The following CSRP3 variants were observed in gnomAD, a reference collection of about 807,000 sequenced individuals.
CSRP3 encodes cysteine and glycine-rich protein 3.
A neutral mutation model predicts 24.3 loss-of-function variants in CSRP3; 24 were observed. The ratio of observed to expected loss-of-function variants is 0.99; its 90% CI spans 0.71 to 1.39. The LOEUF (loss-of-function observed/expected upper bound fraction) is 1.39. Ranked by LOEUF, CSRP3 falls within the 40% of genes most tolerant of loss-of-function variation. The pLI, the probability that CSRP3 is intolerant of heterozygous loss-of-function variation, is 0.00. For missense variants in CSRP3, 240 were observed against 249.0 expected, an observed-to-expected ratio of 0.96 and a Z score of 0.24; for synonymous variants, 105 against 94.0, an observed-to-expected ratio of 1.12 and a Z score of -0.68.
At chr11:19,190,783 G>C (rs915565002) in intron 2 of CSRP3, among the ~76,000 whole-genome samples, 1 of 152,170 alleles carries the variant, frequency 6.6e-6, no homozygotes, top group Admixed American at 6.5e-5. Flanking sequence ...ATAGAAAAGT[G>C]TGCTCCTCTC....
At chr11:19,196,443 A>C (rs953223392) in intron 1 of CSRP3, among the ~76,000 whole-genome samples, 1 of 152,142 alleles carries the variant, frequency 6.6e-6, no homozygotes, top group Admixed American at 6.5e-5. Flanking sequence ...TTCCCACTTC[A>C]CTTTAGGTTA....
chr11:19,185,896 T>C (rs1263203504), intron 4 of CSRP3, among the ~76,000 whole-genome samples: 1 of 152,170 alleles, frequency 6.6e-6, no homozygotes, highest in African/African-American at 2.4e-5. Context: ...GGTCTGGGGC[T>C]GACATCTTTT....
At chr11:19,192,523 G>T in intron 1 of CSRP3, 47 bp from the exon 2 acceptor site, 2 of 1,194,348 alleles carry the variant, frequency 1.7e-6, no homozygotes, top group East Asian at 4.7e-5. Flanking sequence ...GGCCCCAGGA[G>T]TGAACCAATC....
chr11:19,188,179 G>A lies in CSRP3; in HGVS notation c.238C>T (p.Leu80Phe), dbSNP rs779184695. 1 of 1,614,092 alleles carries A rather than the reference G, an allele frequency of 6.2e-7. No homozygotes were observed. Among genetic ancestry groups the A allele is most frequent in the African/African-American group, 1.3e-5 (1 of 75,054 alleles). The change falls in exon 3 of 6, where the codon CTC becomes TTC. Residue 80 changes from leucine (L) to phenylalanine (F), a missense_variant. By Grantham distance (22) the Leu-to-Phe change is conservative (BLOSUM62 0). Coordinates refer to ENST00000265968, the MANE Select transcript of CSRP3 (RefSeq NM_003476.5). ...GIGYGQGAGCLSTDTGEHLGL... is the reference protein window; with the variant it reads ...GIGYGQGAGCFSTDTGEHLGL... ...AGATGCTCGCCCGTGTCTGTGCTGA[G>A]ACAGCCAGCGCCTTGTCCATACCCG...
chr11:19,186,075 C>A, intron 4 of CSRP3, 141 bp downstream of exon 4: 1 of 1,075,630 alleles, frequency 9.3e-7, no homozygotes. Context: ...GGGAAAGTGG[C>A]TGAGGATGTG....
At chr11:19,184,007 C>A (rs1374965499) in intron 5 of CSRP3, among the ~76,000 whole-genome samples, 1 of 152,204 alleles carries the variant, frequency 6.6e-6, no homozygotes, top group Non-Finnish European at 1.5e-5. Flanking sequence ...TGACTTCTGC[C>A]ATGATTGCGA....
chr11:19,192,071 G>A (rs1850624684), intron 2 of CSRP3, among the ~76,000 whole-genome samples: 1 of 152,170 alleles, frequency 6.6e-6, no homozygotes, highest in Non-Finnish European at 1.5e-5. Context: ...AGCAGTGACA[G>A]GCTAGCTTGT....
At chr11:19,190,786 C>T (rs534938823) in intron 2 of CSRP3, among the ~76,000 whole-genome samples, 1 of 152,284 alleles carries the variant, frequency 6.6e-6, no homozygotes, top group Non-Finnish European at 1.5e-5. Context: ...GAAAAGTGTG[C>T]TCCTCTCTGG....
intron 1 of CSRP3, among the ~76,000 whole-genome samples, chr11:19,200,157 G>A (rs899079862): frequency 3.3e-5 from 5 of 152,088 alleles, no homozygotes; most frequent in African/African-American, 4.8e-5. Flanking sequence ...ATATTTGTAC[G>A]GTTATATTAA....
At chr11:19,197,510 T>TCTTTCTTTC (rs1850750958) in intron 1 of CSRP3, among the ~76,000 whole-genome samples, 1 of 87,390 alleles carries the variant, frequency 1.1e-5, no homozygotes, top group African/African-American at 4.8e-5. Flanking sequence ...CCTCTTTCTT[T>TCTTTCTTTC]CTTTCTTTCT....
Position 19,182,133 on chromosome 11 carries a change from C to G in CSRP3, c.*537G>C, listed in dbSNP as rs963764752. ...CCACGATAGGACAAAGGGATCAACT[C>G]TTCAGCAATTTTATTAGTTTTGATT... On this transcript the variant is annotated 3_prime_UTR_variant, in exon 6 of 6. Transcript: ENST00000265968. The G allele has an allele frequency of 8.2e-5, 13 of 159,190 alleles. No individual in the cohort carries two copies. The highest frequency in any genetic ancestry group is 2.9e-4 in the African/African-American group (12 of 41,470). 9.9% of individuals were successfully genotyped at this position (159,190 alleles called of 1,614,324 possible).
chr11:19,186,175 G>A (rs1490158429), intron 4 of CSRP3, 41 bp downstream of exon 4: 2 of 1,613,826 alleles, frequency 1.2e-6, no homozygotes, highest in Non-Finnish European at 1.7e-6. Context: ...TGGCCTGGTG[G>A]AGATGAGCAA....
intron 1 of CSRP3, among the ~76,000 whole-genome samples, chr11:19,197,531 C>CTTTCTTTCTT (rs1850754227): frequency 7.7e-6 from 1 of 129,126 alleles, no homozygotes; most frequent in Non-Finnish European, 1.6e-5. Flanking sequence ...TTCTTTCTTT[C>CTTTCTTTCTT]TTTCTTTCTT....
intron 1 of CSRP3, among the ~76,000 whole-genome samples, chr11:19,197,090 C>T (rs1287748083): frequency 6.6e-6 from 1 of 152,130 alleles, no homozygotes; most frequent in Non-Finnish European, 1.5e-5. Flanking sequence ...TCTGGGAAAA[C>T]CGTTCAATCT....
chr11:19,183,671 A>G (rs191058871), intron 5 of CSRP3, among the ~76,000 whole-genome samples: 3 of 152,218 alleles, frequency 2.0e-5, no homozygotes, highest in Admixed American at 6.5e-5. Context: ...ATTATGAGCT[A>G]TGAAGGCTGA....
chr11:19,185,150 C>A (rs1850504616), intron 4 of CSRP3, 105 bp from the exon 5 acceptor site: 2 of 844,720 alleles, frequency 2.4e-6, no homozygotes, highest in Non-Finnish European at 4.0e-6. Context: ...ACGTCTTAAC[C>A]ATTTGCTTAC....
chr11:19,185,332 A>T (rs1178679079), intron 4 of CSRP3, among the ~76,000 whole-genome samples: 1 of 152,274 alleles, frequency 6.6e-6, no homozygotes, highest in Non-Finnish European at 1.5e-5. Flanking sequence ...TCCAAGGAAC[A>T]AACTGGTCAG....
intron 2 of CSRP3, among the ~76,000 whole-genome samples, chr11:19,189,021 T>C (rs1780201439): frequency 6.6e-6 from 1 of 152,228 alleles, no homozygotes; most frequent in South Asian, 2.1e-4. Context: ...TTTAAAGATA[T>C]AAATAAAAAT....
rs1033593587 is a variant in CSRP3 at position 19,182,868 on chromosome 11, A to T, written c.509-122T>A. 6 of 786,210 alleles carry T rather than the reference A, an allele frequency of 7.6e-6. No individual in the cohort carries two copies. The East Asian group carries it at 1.6e-4, about 20-fold the overall frequency. 48.7% of individuals were successfully genotyped at this position (786,210 alleles called of 1,614,324 possible). ...AGACATCCTTTTGATAGATTTATGC[A>T]TAAGTTCGCCAGGCACGGTGGCTCA... On this transcript the variant is annotated intron_variant, in intron 5 of 5. Transcript: ENST00000265968.
Sources: gnomAD v4.1 joint callset for allele counts (sites outside exome capture counted in the v4.1 genomes callset) on GRCh38, gnomAD v4.1.1 for gene constraint, MANE v1.5 for transcripts, NCBI Gene and HGNC (gene_info 2026-07-23, HGNC 2026-07-21) for gene names.